ATXN1: variants seen among roughly 807,000 people sequenced by gnomAD.
ATXN1 encodes ataxin 1, also known as ataxin-1.
In ATXN1, 8 loss-of-function variants were observed where a neutral mutation model predicts 56.4. The ratio of observed to expected loss-of-function variants is 0.14; its 90% confidence interval spans 0.08 to 0.26. ATXN1 has a LOEUF of 0.26. Ranked by LOEUF, ATXN1 falls within the 10% of genes least tolerant of loss-of-function variation. The pLI, the probability that ATXN1 is intolerant of heterozygous loss-of-function variation, is 1.00. For missense variants in ATXN1, 987 were observed against 1,106.5 expected, an observed-to-expected ratio of 0.89 and a Z score of 1.53; for synonymous variants, 514 against 494.6, an observed-to-expected ratio of 1.04 and a Z score of -0.52.
intron 4 of ATXN1, among the ~76,000 whole-genome samples, chr6:16,583,409 C>A (rs1304460785): frequency 6.6e-6 from 1 of 152,224 alleles, no homozygotes; most frequent in Non-Finnish European, 1.5e-5. Flanking sequence ...GATTCACAAA[C>A]CTACAGCCTT....
chr6:16,462,289 T>C (rs1265521990), intron 6 of ATXN1, among the ~76,000 whole-genome samples: 1 of 152,114 alleles, frequency 6.6e-6, no homozygotes, highest in Non-Finnish European at 1.5e-5. Context: ...CTGAAGAACC[T>C]GTAGGACCAT....
At chr6:16,488,202 C>T (rs75046313) in intron 5 of ATXN1, among the ~76,000 whole-genome samples, 2,818 of 152,252 alleles carry the variant, frequency 0.019, 52 homozygotes, top group Non-Finnish European at 0.028. Context: ...CCAAGTCACT[C>T]CGTTATCACA....
chr6:16,494,118 TCC>T (rs1760726496), intron 5 of ATXN1, among the ~76,000 whole-genome samples: 1 of 150,532 alleles, frequency 6.6e-6, no homozygotes, highest in South Asian at 2.1e-4. Flanking sequence ...GAGAGGCATC[TCC>T]AGTGCAGGGC....
intron 6 of ATXN1, among the ~76,000 whole-genome samples, chr6:16,373,668 C>T (rs1377071323): frequency 6.6e-6 from 1 of 152,196 alleles, no homozygotes; most frequent in African/African-American, 2.4e-5. Flanking sequence ...CTCACGAGAT[C>T]TGATTGTTTT....
intron 6 of ATXN1, among the ~76,000 whole-genome samples, chr6:16,379,866 A>T (rs1302495262): frequency 6.6e-6 from 1 of 152,236 alleles, no homozygotes; most frequent in Non-Finnish European, 1.5e-5. Context: ...TGAGTTTTGA[A>T]AGGATAAACT....
At chr6:16,487,802 C>T (rs1377585900) in intron 5 of ATXN1, among the ~76,000 whole-genome samples, 2 of 152,052 alleles carry the variant, frequency 1.3e-5, no homozygotes, top group Non-Finnish European at 2.9e-5. Flanking sequence ...GATGGGGGTA[C>T]CTCACTTAGA....
intron 6 of ATXN1, among the ~76,000 whole-genome samples, chr6:16,460,486 A>C (rs1759971043): frequency 6.6e-6 from 1 of 152,210 alleles, no homozygotes; most frequent in Admixed American, 6.5e-5. Context: ...CTCATGATGT[A>C]AATGGCATAC....
chr6:16,546,082 T>C (rs1761809274), intron 4 of ATXN1, among the ~76,000 whole-genome samples: 1 of 152,030 alleles, frequency 6.6e-6, no homozygotes, highest in Admixed American at 6.6e-5. Context: ...GAGAAATGAG[T>C]GAGCTGCACA....
chr6:16,406,857 G>A (rs1758695306), intron 6 of ATXN1, among the ~76,000 whole-genome samples: 1 of 152,196 alleles, frequency 6.6e-6, no homozygotes, highest in Non-Finnish European at 1.5e-5. Context: ...TCCCATTCCA[G>A]CCAATGGAAA....
At chr6:16,550,930 T>A (rs1474791938) in intron 4 of ATXN1, among the ~76,000 whole-genome samples, 1 of 152,232 alleles carries the variant, frequency 6.6e-6, no homozygotes, top group African/African-American at 2.4e-5. Context: ...AGCCCCATTT[T>A]ACAGATGATA....
In ATXN1 at chr6:16,363,745, G is replaced by A. The variant is rs79963215; in HGVS notation, c.-160-35275C>T. ...TCAGCAATCTATTACGGATTTGTTT[G>A]CTGGAATGACTTGGAGTGGCAGGTG... On this transcript the variant is annotated intron_variant, in intron 6 of 7. Coordinates refer to ENST00000436367, the MANE Select transcript of ATXN1 (RefSeq NM_001128164.2). 4.5e-3 allele frequency among the ~76,000 whole-genome samples: 689 copies of A among 152,246 alleles called. 25 individuals are homozygous for A. The East Asian group carries it at 0.061, about 13-fold the overall frequency.
intron 4 of ATXN1, among the ~76,000 whole-genome samples, chr6:16,536,988 G>T: frequency 6.7e-6 from 1 of 150,348 alleles, no homozygotes; most frequent in African/African-American, 2.4e-5. Context: ...CATAAACTTG[G>T]TTATTTACTC....
chr6:16,552,520 G>A (rs944349737), intron 4 of ATXN1, among the ~76,000 whole-genome samples: 1 of 152,158 alleles, frequency 6.6e-6, no homozygotes, highest in Non-Finnish European at 1.5e-5. Context: ...AATTTATCAG[G>A]TAGAGAAATT....
intron 2 of ATXN1, among the ~76,000 whole-genome samples, chr6:16,724,269 C>T (rs916448342): frequency 6.6e-6 from 1 of 152,000 alleles, no homozygotes. Flanking sequence ...CAGTATGAAT[C>T]GAGAGAAAAT....
At chr6:16,560,621 G>A (rs994760887) in intron 4 of ATXN1, among the ~76,000 whole-genome samples, 2 of 152,008 alleles carry the variant, frequency 1.3e-5, no homozygotes, top group African/African-American at 4.8e-5. Context: ...AGGGTAATGG[G>A]CCAGCAACAC....
intron 6 of ATXN1, among the ~76,000 whole-genome samples, chr6:16,360,497 C>T (rs148037711): frequency 1.3e-5 from 2 of 152,234 alleles, no homozygotes; most frequent in Non-Finnish European, 2.9e-5. Flanking sequence ...GAGCCTCCCA[C>T]ATCACGAAGC....
intron 6 of ATXN1, among the ~76,000 whole-genome samples, chr6:16,366,023 T>C (rs1167226240): frequency 6.6e-6 from 1 of 152,212 alleles, no homozygotes; most frequent in Non-Finnish European, 1.5e-5. Flanking sequence ...CTCATTCTGA[T>C]CTCTTCTCAG....
At chr6:16,639,474 C>T (rs967717228) in intron 3 of ATXN1, among the ~76,000 whole-genome samples, 4 of 152,154 alleles carry the variant, frequency 2.6e-5, no homozygotes, top group East Asian at 1.9e-4. Context: ...CCACCACACC[C>T]GGCTAATTTT....
Position 16,495,430 on chromosome 6 carries a change from A to G in ATXN1, c.-298-9321T>C, listed in dbSNP as rs577358508. 2.0e-5 allele frequency among the ~76,000 whole-genome samples: 3 copies of G among 152,336 alleles called. No individual in the cohort carries two copies. In the East Asian group the frequency reaches 5.8e-4, roughly 29 times the overall value. On this transcript the variant is annotated intron_variant, in intron 5 of 7. Transcript: ENST00000436367. ...ACCTCTGTCCTTTTGAACAGACACA[A>G]GTAACAGAATTTACCAAAAGTATTA...
Sources: gnomAD v4.1 joint callset for allele counts (sites outside exome capture counted in the v4.1 genomes callset) on GRCh38, gnomAD v4.1.1 for gene constraint, MANE v1.5 for transcripts, NCBI Gene and HGNC (gene_info 2026-07-23, HGNC 2026-07-21) for gene names.